Variants in FAM13A observed in about 807,000 individuals in gnomAD.
FAM13A encodes family with sequence similarity 13 member A.
A neutral mutation model predicts 129.6 loss-of-function variants in FAM13A; 76 were observed. The ratio of observed to expected loss-of-function variants is 0.59; its 90% CI spans 0.49 to 0.71. FAM13A has a LOEUF of 0.71. Ranked by LOEUF, FAM13A falls within the 30% of genes least tolerant of loss-of-function variation. The probability of loss-of-function intolerance (pLI) is 0.00; values close to 1 mark genes in which losing one functional copy is unlikely to be tolerated. For synonymous variants in FAM13A, 443 were observed against 449.9 expected, an observed-to-expected ratio of 0.98 and a Z score of 0.20; for missense variants, 1,108 against 1,249.3, an observed-to-expected ratio of 0.89 and a Z score of 1.70.
chr4:88,876,389 T>C (rs1417752087), intron 6 of FAM13A, among the ~76,000 whole-genome samples: 1 of 151,930 alleles, frequency 6.6e-6, no homozygotes, highest in Admixed American at 6.6e-5. Context: ...AAGAAGATAG[T>C]TTGTGAAAAG....
At chr4:88,964,497 AATT>A (rs1480601960) in intron 4 of FAM13A, among the ~76,000 whole-genome samples, 1 of 152,052 alleles carries the variant, frequency 6.6e-6, no homozygotes, top group Non-Finnish European at 1.5e-5. Context: ...TGGGTAGCAT[AATT>A]ATTAAACTAG....
At chr4:88,907,439 T>G (rs1748351582) in intron 5 of FAM13A, among the ~76,000 whole-genome samples, 2 of 152,242 alleles carry the variant, frequency 1.3e-5, no homozygotes, top group African/African-American at 4.8e-5. Flanking sequence ...CTTCAGAATA[T>G]TATTAAAATT....
intron 10 of FAM13A, among the ~76,000 whole-genome samples, chr4:88,784,586 T>C (rs1168567356): frequency 1.3e-5 from 2 of 152,202 alleles, no homozygotes; most frequent in Non-Finnish European, 2.9e-5. Flanking sequence ...AATGCTGAAC[T>C]ATTTATTATT....
intron 4 of FAM13A, among the ~76,000 whole-genome samples, chr4:88,975,374 G>A (rs1175879000): frequency 6.6e-6 from 1 of 152,000 alleles, no homozygotes; most frequent in Non-Finnish European, 1.5e-5. Flanking sequence ...TATAATGTTG[G>A]GAATAAAAAT....
At chr4:88,843,249 GA>G (rs1736125668) in intron 7 of FAM13A, among the ~76,000 whole-genome samples, 1 of 152,228 alleles carries the variant, frequency 6.6e-6, no homozygotes, top group South Asian at 2.1e-4. Context: ...ATTGCATGCT[GA>G]AGCGCACGCT....
chr4:88,990,107 T>C (rs1472166967), intron 4 of FAM13A: 1 of 152,168 alleles, frequency 6.6e-6, no homozygotes, highest in Admixed American at 6.6e-5. Flanking sequence ...AGGATAGTTA[T>C]TACAGTAGAA....
intron 4 of FAM13A, among the ~76,000 whole-genome samples, chr4:88,948,037 A>C (rs1046816000): frequency 1.3e-5 from 2 of 152,166 alleles, no homozygotes; most frequent in Non-Finnish European, 2.9e-5. Flanking sequence ...ATAATGCAAA[A>C]AAGATTGAGA....
At chr4:88,920,263 C>A (rs1021546422) in intron 5 of FAM13A, among the ~76,000 whole-genome samples, 2 of 152,130 alleles carry the variant, frequency 1.3e-5, no homozygotes, top group African/African-American at 4.8e-5. Context: ...GGACCCCTGA[C>A]CCCTGACCCC....
chr4:88,978,318 T>C (rs1761172269), intron 4 of FAM13A, among the ~76,000 whole-genome samples: 1 of 152,242 alleles, frequency 6.6e-6, no homozygotes. Context: ...GCTATGTTTA[T>C]GGATTTACCA....
rs144105342 is a variant in FAM13A, at chr4:88,950,900, C to T, written c.606-12659G>A. 1.3e-3 allele frequency among the ~76,000 whole-genome samples: 205 copies of T among 152,296 alleles called. 2 individuals carry two copies. The highest frequency in any genetic ancestry group is 4.7e-3 in the African/African-American group (195 of 41,548). Reference sequence around the variant, plus strand: ...ATGGCCAACAGCTGTTATTAAACCACAAGACCCATAGGCAGTCAGGGCATC... The same window carrying T: ...ATGGCCAACAGCTGTTATTAAACCATAAGACCCATAGGCAGTCAGGGCATC... On this transcript the variant is annotated intron_variant, in intron 4 of 23. Transcript: ENST00000264344.
intron 4 of FAM13A, among the ~76,000 whole-genome samples, chr4:88,938,689 G>T (rs1199721468): frequency 1.3e-5 from 2 of 152,104 alleles, no homozygotes; most frequent in Non-Finnish European, 2.9e-5. Flanking sequence ...GAAAAATAAT[G>T]ATAATTGTTG....
chr4:88,736,156 C>A (rs1315142807), intron 21 of FAM13A, among the ~76,000 whole-genome samples: 2 of 152,066 alleles, frequency 1.3e-5, no homozygotes, highest in Non-Finnish European at 2.9e-5. Flanking sequence ...AAGAAAATAG[C>A]TCTAATTTTT....
At chr4:88,805,579 G>C (rs1250223754) in intron 7 of FAM13A, among the ~76,000 whole-genome samples, 3 of 152,136 alleles carry the variant, frequency 2.0e-5, no homozygotes, top group Non-Finnish European at 4.4e-5. Context: ...TAACTAGTGT[G>C]TATAACATGA....
intron 3 of FAM13A, among the ~76,000 whole-genome samples, chr4:89,000,392 C>G (rs1764099576): frequency 6.6e-6 from 1 of 152,112 alleles, no homozygotes; most frequent in African/African-American, 2.4e-5. Context: ...AAGCTTGAAA[C>G]ATTATGCTAG....
chr4:88,951,482 G>C (rs993830489), intron 4 of FAM13A, among the ~76,000 whole-genome samples: 6 of 152,130 alleles, frequency 3.9e-5, no homozygotes, highest in Admixed American at 2.6e-4. Flanking sequence ...GAGAATATAA[G>C]TCTCAGTGTT....
intron 14 of FAM13A, among the ~76,000 whole-genome samples, chr4:88,752,575 A>C (rs10017406): frequency 0.057 from 8,693 of 152,266 alleles, 525 homozygotes; most frequent in African/African-American, 0.16. Context: ...GTGGCAGAGG[A>C]CATGCTGGTA....
chr4:89,007,045 AG>A (rs1765137813), intron 3 of FAM13A, among the ~76,000 whole-genome samples: 1 of 152,276 alleles, frequency 6.6e-6, no homozygotes, highest in East Asian at 1.9e-4. Flanking sequence ...GTTCTAATTT[AG>A]GGTCATGGGT....
At chr4:88,747,093 A>G in intron 18 of FAM13A, 78 bp from the exon 19 acceptor site, 9 of 1,001,142 alleles carry the variant, frequency 9.0e-6, no homozygotes, top group South Asian at 1.3e-5. Context: ...TTAAATTACT[A>G]AAGCAAGGCT....
At chr4:88,783,930 C>G (rs1723460143) in intron 10 of FAM13A, among the ~76,000 whole-genome samples, 1 of 152,086 alleles carries the variant, frequency 6.6e-6, no homozygotes, top group East Asian at 1.9e-4. Context: ...GCTTCTAGAA[C>G]TGTCAGAAGA....
Sources: allele counts gnomAD v4.1 joint callset (sites outside exome capture counted in the v4.1 genomes callset), GRCh38; gene constraint gnomAD v4.1.1; transcripts MANE v1.5; gene names NCBI Gene and HGNC (gene_info 2026-07-23, HGNC 2026-07-21).